Variants in HMX2 observed in about 807,000 individuals in gnomAD.
HMX2 encodes homeobox protein HMX2.
Under a neutral mutation model 21.2 loss-of-function variants are expected in HMX2, and 15 were observed. That is an observed-to-expected ratio of 0.71 (90% CI 0.47 to 1.09). The LOEUF is 1.09. HMX2 is among the 50% of genes least tolerant of loss of function. The pLI is 0.00. For synonymous variants in HMX2, 193 were observed against 181.0 expected, an observed-to-expected ratio of 1.07 and a Z score of -0.53; for missense variants, 440 against 381.5, an observed-to-expected ratio of 1.15 and a Z score of -1.28.
In HMX2 at chr10:123,148,531, G is replaced by C. The variant is rs766681252; in HGVS notation, c.153G>C (p.Ser51=). 3 of 1,612,848 alleles carry C rather than the reference G, an allele frequency of 1.9e-6. No individual in the cohort carries two copies. Among genetic ancestry groups the C allele is most frequent in the Non-Finnish European group, 1.7e-6 (2 of 1,179,604 alleles). ...GGAAGCGCAGCCTGTCCGTGTCCTC[G>C]GAGGAGGAGGAGCCGGACGACGGCT... The part of the protein sequence containing the change: ...PARKRSLSVS[S]EEEEPDDGWK... The change falls in exon 1 of 2, where the codon TCG becomes TCC. Residue 51 remains serine, a synonymous_variant. Transcript: ENST00000339992.
rs1371730538 is a variant in HMX2 at position 123,149,424 on chromosome 10, G to A, written c.269-146G>A. On this transcript the variant is annotated intron_variant, in intron 1 of 1. Transcript: ENST00000339992. This position sits in a 1 kb window ranked among gnomAD's most constrained non-coding sequence, Gnocchi z 5.4. ...AAGGACGGGGTGCTGGGTTTGGGGGGCCAGTGAGAGGGATAAGAGGAGGGG... is the reference window on the plus strand; with the variant it reads ...AAGGACGGGGTGCTGGGTTTGGGGGACCAGTGAGAGGGATAAGAGGAGGGG... 1 of 556,366 alleles carries A rather than the reference G, an allele frequency of 1.8e-6. No individual in the cohort carries two copies. The highest frequency in any genetic ancestry group is 2.9e-6 in the Non-Finnish European group (1 of 345,364). The allele number at this position is 556,366 out of a possible 1,614,324, so 34.5% of individuals were successfully genotyped here.
At chr10:123,148,878 G>T (rs548335247) in intron 1 of HMX2, among the ~76,000 whole-genome samples, 38 of 152,306 alleles carry the variant, frequency 2.5e-4, no homozygotes, top group African/African-American at 9.1e-4. Flanking sequence ...AGGTTGAGTT[G>T]TTGAGAGAGT....
rs1844218944 is a variant in HMX2 at position 123,148,183 on chromosome 10, G to A, written c.-196G>A. 5 of 596,172 alleles carry A rather than the reference G, an allele frequency of 8.4e-6. No individual in the cohort carries two copies. The East Asian group carries it at 1.6e-4, about 19-fold the overall frequency. The allele number at this position is 596,172 out of a possible 1,614,324, so 36.9% of individuals were successfully genotyped here. A position where few individuals can be genotyped will look rare whatever the true frequency, so the allele number is the denominator to read the frequency against. On this transcript the variant is annotated 5_prime_UTR_variant, in exon 1 of 2. Transcript: ENST00000339992. ...GGCGCACCCAGAGCCAGGCGGGCAG[G>A]AACCCCTGCGCAGCCATCCGGTGCC...
Position 123,149,885 on chromosome 10 carries a change from CT to C in HMX2, c.586del (p.Trp196GlyfsTer31). 6.2e-7 allele frequency: 1 copy of C among 1,612,646 alleles called. No homozygotes were observed. The highest frequency in any genetic ancestry group is 8.5e-7 in the Non-Finnish European group (1 of 1,179,780). ...CAGCTCACGGAGACCCAGGTAAAGA[CT>C]TGGTTCCAGAACCGCCGCAACAAGT... ...SLQLTETQVK[T>X]WFQNRRNKWK... On this transcript the variant is annotated frameshift_variant, in exon 2 of 2. Coordinates refer to ENST00000339992, the MANE Select transcript of HMX2 (RefSeq NM_005519.2). LOFTEE classifies it high-confidence loss of function. This position sits in a 1 kb window ranked among gnomAD's most constrained non-coding sequence, Gnocchi z 5.4.
rs527490163 is a variant in HMX2 at position 123,149,523 on chromosome 10, G to C, written c.269-47G>C. On this transcript the variant is annotated intron_variant, in intron 1 of 1. Transcript: ENST00000339992. This position sits in a 1 kb window ranked among gnomAD's most constrained non-coding sequence, Gnocchi z 5.4. ...CCAGGGAGAGCTGGCGGTCTCCGAG[G>C]CTCCCCAACCAACTCCATGGCCTTT... The C allele has an allele frequency of 3.0e-5, 42 of 1,389,966 alleles. No individual in the cohort carries two copies. The African/African-American group carries it at 5.7e-4, about 19-fold the overall frequency. The allele number at this position is 1,389,966 out of a possible 1,614,324, so 86.1% of individuals were successfully genotyped here. A position where few individuals can be genotyped will look rare whatever the true frequency, so the allele number is the denominator to read the frequency against.
Position 123,149,516 on chromosome 10 carries a change from C to A in HMX2, c.269-54C>A. 1 of 1,380,360 alleles carries A rather than the reference C, an allele frequency of 7.2e-7. No homozygotes were observed. Among genetic ancestry groups the A allele is most frequent in the South Asian group, 2.0e-5 (1 of 51,270 alleles). The allele number at this position is 1,380,360 out of a possible 1,614,324, so 85.5% of individuals were successfully genotyped here. ...CTTGGTCCCAGGGAGAGCTGGCGGT[C>A]TCCGAGGCTCCCCAACCAACTCCAT... On this transcript the variant is annotated intron_variant, in intron 1 of 1. Transcript: ENST00000339992. The surrounding 1 kb of genome is among the most constrained non-coding windows in gnomAD (Gnocchi z 5.4).
At chr10:123,148,680 C>T in intron 1 of HMX2, 34 bp downstream of exon 1, 1 of 1,585,838 alleles carries the variant, frequency 6.3e-7, no homozygotes, top group Admixed American at 1.9e-5. Context: ...TGGCAGCGAG[C>T]GAGCGCGAGG....
chr10:123,148,647 G>C lies in HMX2; in HGVS notation c.268+1G>C, dbSNP rs150142543. ...CCCCCCATCCCTTTTCCTTGCCTGG[G>C]TAAGGATCGCACGTCGCCAGTGTGG... On this transcript the variant is annotated splice_donor_variant, in intron 1 of 1. Transcript: ENST00000339992. LOFTEE classifies it high-confidence loss of function. 35 of 1,607,680 alleles carry C rather than the reference G, an allele frequency of 2.2e-5. No individual in the cohort carries two copies. The highest frequency in any genetic ancestry group is 1.7e-4 in the Middle Eastern group (1 of 6,058).
chr10:123,148,920 T>A (rs958834429), intron 1 of HMX2, among the ~76,000 whole-genome samples: 1 of 152,160 alleles, frequency 6.6e-6, no homozygotes, highest in African/African-American at 2.4e-5. Context: ...GCGGCCGGCC[T>A]TACACCCGGC....
In HMX2 at chr10:123,150,314, C is replaced by T; in HGVS notation, c.*191C>T. On this transcript the variant is annotated 3_prime_UTR_variant, in exon 2 of 2. Coordinates refer to ENST00000339992, the MANE Select transcript of HMX2 (RefSeq NM_005519.2). This position sits in a 1 kb window ranked among gnomAD's most constrained non-coding sequence, Gnocchi z 4.2. ...ATTGTTTCGGGTATTTATTGGCATT[C>T]CCTAAGTCAGAGAGCCTGCTTCCTA... The T allele has an allele frequency of 3.9e-6, 2 of 519,354 alleles. No homozygotes were observed. Among genetic ancestry groups the T allele is most frequent in the South Asian group, 7.1e-5 (2 of 28,134 alleles). The allele number at this position is 519,354 out of a possible 1,614,324, so 32.2% of individuals were successfully genotyped here.
In HMX2 at chr10:123,149,973, T is replaced by G; in HGVS notation, c.672T>G (p.Thr224=). 1 of 1,611,824 alleles carries G rather than the reference T, an allele frequency of 6.2e-7. No individual in the cohort carries two copies. The highest frequency in any genetic ancestry group is 8.5e-7 in the Non-Finnish European group (1 of 1,179,538). Residue 224 remains threonine, a synonymous_variant, in exon 2 of 2, where the codon ACT becomes ACG. Coordinates refer to ENST00000339992, the MANE Select transcript of HMX2 (RefSeq NM_005519.2). The surrounding 1 kb of genome is among the most constrained non-coding windows in gnomAD (Gnocchi z 5.4). ...AANMAHASAQ[T]LVSMPLVFRD... ...ACATGGCGCACGCGTCGGCGCAGACTCTGGTGAGCATGCCGCTGGTGTTCC... is the reference window on the plus strand; with the variant it reads ...ACATGGCGCACGCGTCGGCGCAGACGCTGGTGAGCATGCCGCTGGTGTTCC...
At chr10:123,148,762 G>T in intron 1 of HMX2, 116 bp downstream of exon 1, 1 of 1,331,110 alleles carries the variant, frequency 7.5e-7, no homozygotes, top group South Asian at 1.5e-5. Context: ...GCAGCCGGGG[G>T]TTCGGGACCG....
rs748272521 is a variant in HMX2, at chr10:123,148,484, G to C, written c.106G>C (p.Glu36Gln). The change falls in exon 1 of 2, where the codon GAG (glutamate) becomes CAG (glutamine). Residue 36 changes from glutamate to glutamine, a missense_variant. Coordinates refer to ENST00000339992, the MANE Select transcript of HMX2 (RefSeq NM_005519.2). ...CGGGGGCCCCTCGGAGGCACCGCGG[G>C]AGCCCGTCGGCTGGCCAGCCAGGAA... ...LGGGPSEAPR[E>Q]PVGWPARKRS... 2.5e-6 allele frequency: 4 copies of C among 1,612,362 alleles called. No individual in the cohort carries two copies. The highest frequency in any genetic ancestry group is 1.3e-5 in the African/African-American group (1 of 74,876).
Position 123,148,230 on chromosome 10 carries a change from G to A in HMX2, c.-149G>A. The A allele has an allele frequency of 1.2e-6, 1 of 811,984 alleles. No homozygotes were observed. The allele number at this position is 811,984 out of a possible 1,614,324, so 50.3% of individuals were successfully genotyped here. ...TGCCTGCATGTCCCTGGCGCGGAAG[G>A]GACGCCTCACCAGCCTCGGCGCCCC... On this transcript the variant is annotated 5_prime_UTR_variant, in exon 1 of 2. Transcript: ENST00000339992.
At chr10:123,148,765 C>T in intron 1 of HMX2, 119 bp downstream of exon 1, 1 of 1,294,484 alleles carries the variant, frequency 7.7e-7, no homozygotes, top group Non-Finnish European at 1.0e-6. Flanking sequence ...GCCGGGGGTT[C>T]GGGACCGCGG....
chr10:123,148,674 A>G, intron 1 of HMX2, 28 bp downstream of exon 1: 34 of 1,589,168 alleles, frequency 2.1e-5, no homozygotes, highest in Non-Finnish European at 2.9e-5. Context: ...CCAGTGTGGC[A>G]GCGAGCGAGC....
In HMX2 at chr10:123,149,940, G is replaced by A; in HGVS notation, c.639G>A (p.Glu213=). The A allele has an allele frequency of 1.2e-6, 2 of 1,612,264 alleles. No individual in the cohort carries two copies. The highest frequency in any genetic ancestry group is 1.1e-5 in the South Asian group (1 of 90,978). ...AGCGGCAGCTCTCGGCTGAGCTGGAGGCGGCCAACATGGCGCACGCGTCGG... is the reference window on the plus strand; with the variant it reads ...AGCGGCAGCTCTCGGCTGAGCTGGAAGCGGCCAACATGGCGCACGCGTCGG... ...KWKRQLSAEL[E]AANMAHASAQ... The change falls in exon 2 of 2, where the codon GAG becomes GAA. Residue 213 remains glutamate (E), a synonymous_variant. Transcript: ENST00000339992. The surrounding 1 kb of genome is among the most constrained non-coding windows in gnomAD (Gnocchi z 5.4).
At position 123,150,547 on chromosome 10, in the gene HMX2, C is replaced by T. The variant is rs188830849; in HGVS notation, c.*424C>T. ...CTCGGCCAAGCCAGGCCCTCAGAGG[C>T]TTTGGACAATTACTAAATTGCTTCT... On this transcript the variant is annotated 3_prime_UTR_variant, in exon 2 of 2. Transcript: ENST00000339992. This position sits in a 1 kb window ranked among gnomAD's most constrained non-coding sequence, Gnocchi z 4.2. 6.3e-6 allele frequency: 1 copy of T among 157,584 alleles called. No homozygotes were observed. The highest frequency in any genetic ancestry group is 2.4e-5 in the African/African-American group (1 of 41,758). 9.8% of individuals were successfully genotyped at this position (157,584 alleles called of 1,614,324 possible). A position where few individuals can be genotyped will look rare whatever the true frequency, so the allele number is the denominator to read the frequency against.
At position 123,150,093 on chromosome 10, in the gene HMX2, C is replaced by A; in HGVS notation, c.792C>A (p.Leu264=). The A allele has an allele frequency of 6.3e-7, 1 of 1,583,760 alleles. No individual in the cohort carries two copies. The change falls in exon 2 of 2, where the codon CTC becomes CTA. Residue 264 remains leucine, a synonymous_variant. Coordinates refer to ENST00000339992, the MANE Select transcript of HMX2 (RefSeq NM_005519.2). This position sits in a 1 kb window ranked among gnomAD's most constrained non-coding sequence, Gnocchi z 4.2. The part of the protein sequence containing the change: ...YPGSNLSALP[L]YNLYNKLDY ...GAAGCAACCTCTCGGCCTTACCTCT[C>A]TACAACCTATACAACAAGCTCGACT...
Sources: gnomAD v4.1 joint callset for allele counts (sites outside exome capture counted in the v4.1 genomes callset) on GRCh38, gnomAD v4.1.1 for gene constraint, Gnocchi (gnomAD v3.1) non-coding constraint, MANE v1.5 for transcripts, NCBI Gene and HGNC (gene_info 2026-07-23, HGNC 2026-07-21) for gene names.